VAV1: variants seen among roughly 807,000 people sequenced by gnomAD.
The protein encoded by VAV1 is proto-oncogene vav.
Under a neutral mutation model 128.1 loss-of-function variants are expected in VAV1, and 33 were observed. The observed-to-expected ratio is 0.26, with a 90% CI of 0.20 to 0.34. The LOEUF is 0.34. Ranked by LOEUF, VAV1 falls within the 10% of genes least tolerant of loss-of-function variation. VAV1 has a pLI of 1.00. For synonymous variants in VAV1, 394 were observed against 409.8 expected (o/e 0.96, Z 0.47); for missense variants, 715 against 1,093.7 (o/e 0.65, Z 4.88).
intron 1 of VAV1, among the ~76,000 whole-genome samples, chr19:6,789,724 AGTG>A (rs1970976263): frequency 6.6e-6 from 1 of 152,054 alleles, no homozygotes; most frequent in African/African-American, 2.4e-5. Flanking sequence ...TGGCCTCCAG[AGTG>A]GCTGGGTTTA....
At chr19:6,776,501 CATCT>C in intron 1 of VAV1, among the ~76,000 whole-genome samples, 1 of 144,448 alleles carries the variant, frequency 6.9e-6, no homozygotes, top group South Asian at 2.3e-4. Context: ...TCCATCCACT[CATCT>C]ATCCATCCAT....
intron 19 of VAV1, chr19:6,836,032 C>T (rs1972213988): frequency 6.1e-6 from 1 of 163,802 alleles, no homozygotes; most frequent in South Asian, 1.5e-4. Context: ...CACCACCACA[C>T]CCAGCTAATT....
chr19:6,789,167 G>C (rs1011555841), intron 1 of VAV1, among the ~76,000 whole-genome samples: 5 of 152,206 alleles, frequency 3.3e-5, no homozygotes, highest in Admixed American at 2.6e-4. Flanking sequence ...AAAGAGATCT[G>C]ATGATTACTG....
At chr19:6,854,246 T>C (rs1568321508) in intron 26 of VAV1, 148 bp downstream of exon 26, 8 of 992,554 alleles carry the variant, frequency 8.1e-6, no homozygotes, top group Admixed American at 8.0e-5. Flanking sequence ...AGGGATGTCA[T>C]TTATGCATTT....
At position 6,821,782 on chromosome 19, in the gene VAV1, AC is replaced by A. The variant is rs1468722865; in HGVS notation, c.381-3del. 3 of 1,613,118 alleles carry A rather than the reference AC, an allele frequency of 1.9e-6. No individual in the cohort carries two copies. Among genetic ancestry groups the A allele is most frequent in the East Asian group, 2.2e-5 (1 of 44,838 alleles). On this transcript the variant is annotated splice_region_variant and splice_polypyrimidine_tract_variant and intron_variant, in intron 3 of 26. Transcript: ENST00000602142. Reference sequence around the variant, plus strand: ...CAGGCCCCTGGCTCACACCCTCCTGACCCCCCAGGCCCTTCCCCACCGAGGA... The same window carrying A: ...CAGGCCCCTGGCTCACACCCTCCTGACCCCCAGGCCCTTCCCCACCGAGGA...
At chr19:6,829,598 G>T (rs953646590) in intron 13 of VAV1, among the ~76,000 whole-genome samples, 188 bp from the exon 14 acceptor site, 1 of 152,072 alleles carries the variant, frequency 6.6e-6, no homozygotes, top group African/African-American at 2.4e-5. Flanking sequence ...TGGGTGGAGC[G>T]AAGACTGACA....
chr19:6,796,862 C>T (rs55796511), intron 1 of VAV1, among the ~76,000 whole-genome samples: 9,917 of 152,198 alleles, frequency 0.065, 1,069 homozygotes, highest in African/African-American at 0.23. Flanking sequence ...CCCTTGAGGG[C>T]AGAGATGCTT....
chr19:6,784,059 G>A, intron 1 of VAV1: 1 of 405,542 alleles, frequency 2.5e-6, no homozygotes, highest in Non-Finnish European at 4.4e-6. Flanking sequence ...TTCGAGACCA[G>A]CCTGGGCAAC....
At chr19:6,817,718 G>T (rs369632) in intron 1 of VAV1, among the ~76,000 whole-genome samples, 3,345 of 149,484 alleles carry the variant, frequency 0.022, 60 homozygotes, top group Non-Finnish European at 0.036. Context: ...ATGGGGTCTC[G>T]CTCTGTTGCC....
At chr19:6,783,368 G>A (rs576128229) in intron 1 of VAV1, among the ~76,000 whole-genome samples, 20 of 152,052 alleles carry the variant, frequency 1.3e-4, no homozygotes, top group Admixed American at 1.0e-3. Context: ...TCATCTCATG[G>A]TCTTAGCTTC....
At chr19:6,819,805 G>C (rs1156831218) in intron 1 of VAV1, among the ~76,000 whole-genome samples, 1 of 152,196 alleles carries the variant, frequency 6.6e-6, no homozygotes, top group Non-Finnish European at 1.5e-5. Flanking sequence ...ACCTCAGAGA[G>C]TGCTGAACCT....
At chr19:6,800,322 T>G (rs898480689) in intron 1 of VAV1, among the ~76,000 whole-genome samples, 1 of 151,598 alleles carries the variant, frequency 6.6e-6, no homozygotes, top group Non-Finnish European at 1.5e-5. Context: ...CTCATTTTTT[T>G]TTTTTGAGAT....
Position 6,814,682 on chromosome 19 carries a change from T to C in VAV1, c.205-6020T>C, listed in dbSNP as rs529977254. Among the ~76,000 whole-genome samples the C allele has an allele frequency of 8.8e-4, 98 of 111,570 alleles. 3 individuals are homozygous for C. The highest frequency in any genetic ancestry group is 3.9e-3 in the African/African-American group (90 of 22,792). 73.2% of individuals were successfully genotyped at this position (111,570 alleles called of 152,430 possible). A position where few individuals can be genotyped will look rare whatever the true frequency, so the allele number is the denominator to read the frequency against. ...TTCCTTCCTTCCTTCCTTTCTTTCT[T>C]TCTTTCTTTCTTTCTTTCTTTCTTT... On this transcript the variant is annotated intron_variant, in intron 1 of 26. Coordinates refer to ENST00000602142, the MANE Select transcript of VAV1 (RefSeq NM_005428.4).
intron 1 of VAV1, among the ~76,000 whole-genome samples, chr19:6,795,231 G>A (rs1462521114): frequency 6.6e-6 from 1 of 152,092 alleles, no homozygotes; most frequent in Admixed American, 6.6e-5. Flanking sequence ...TCTAGGAGCA[G>A]GGTGCAAAGG....
intron 23 of VAV1, among the ~76,000 whole-genome samples, chr19:6,849,317 C>A: frequency 8.9e-6 from 1 of 111,756 alleles, no homozygotes; most frequent in Non-Finnish European, 1.7e-5. Flanking sequence ...GAGATGGAGT[C>A]TCACTTTGCC....
At chr19:6,789,593 C>CTTCCTTCCT (rs559220122) in intron 1 of VAV1, among the ~76,000 whole-genome samples, 7 of 149,990 alleles carry the variant, frequency 4.7e-5, no homozygotes, top group African/African-American at 1.7e-4. Context: ...TTTTCTTTCC[C>CTTCCTTCCT]TCCTTCCTTC....
At chr19:6,787,460 A>T (rs1347226846) in intron 1 of VAV1, among the ~76,000 whole-genome samples, 1 of 152,108 alleles carries the variant, frequency 6.6e-6, no homozygotes, top group Non-Finnish European at 1.5e-5. Flanking sequence ...TGCAGGCGTG[A>T]GTCACCGCAC....
chr19:6,798,425 CGAGATCAGCCTGGGCAACATGGT>C (rs1291575635), intron 1 of VAV1, among the ~76,000 whole-genome samples: 1 of 151,606 alleles, frequency 6.6e-6, no homozygotes, highest in Non-Finnish European at 1.5e-5. Flanking sequence ...TTTAGGAGAT[CGAGATCAGCCTGGGCAACATGGT>C]GAGACCAGCC....
At chr19:6,844,128 A>G (rs1972458967) in intron 22 of VAV1, among the ~76,000 whole-genome samples, 1 of 111,728 alleles carries the variant, frequency 9.0e-6, no homozygotes, top group South Asian at 3.1e-4. Context: ...AGAGAGGGTA[A>G]GTGAATTACT....
Sources: allele counts gnomAD v4.1 joint callset (sites outside exome capture counted in the v4.1 genomes callset), GRCh38; gene constraint gnomAD v4.1.1; transcripts MANE v1.5; gene names NCBI Gene and HGNC (gene_info 2026-07-23, HGNC 2026-07-21).